The following PPP3CA variants were observed in gnomAD, a reference collection of about 807,000 sequenced individuals.
PPP3CA encodes CAM-PRP catalytic subunit.
PPP3CA carries 14 observed loss-of-function variants against 66.5 expected under a neutral mutation model. The observed-to-expected ratio is 0.21, with a 90% CI of 0.14 to 0.33. PPP3CA has a LOEUF of 0.33. PPP3CA is among the 10% of genes least tolerant of loss of function. The pLI is 1.00. For missense variants in PPP3CA, 317 were observed against 639.5 expected, an observed-to-expected ratio of 0.50 and a Z score of 5.44; for synonymous variants, 232 against 226.2, an observed-to-expected ratio of 1.03 and a Z score of -0.23.
chr4:101,286,976 T>G (rs994569894), intron 1 of PPP3CA, among the ~76,000 whole-genome samples: 4 of 152,162 alleles, frequency 2.6e-5, no homozygotes, highest in African/African-American at 9.7e-5. Flanking sequence ...TGTTAACTTT[T>G]TTTGATGAAA....
At chr4:101,114,461 A>C (rs1721779580) in intron 2 of PPP3CA, among the ~76,000 whole-genome samples, 1 of 152,100 alleles carries the variant, frequency 6.6e-6, no homozygotes, top group African/African-American at 2.4e-5. Flanking sequence ...TGAGCTGTTT[A>C]ATCTATTTGG....
chr4:101,275,129 G>A lies in PPP3CA; in HGVS notation c.58+71610C>T, dbSNP rs183389156. Among the ~76,000 whole-genome samples the A allele has an allele frequency of 2.1e-3, 318 of 152,122 alleles. 2 individuals are homozygous for A. Among genetic ancestry groups the A allele is most frequent in the Non-Finnish European group, 3.3e-3 (223 of 67,990 alleles). Reference sequence around the variant, plus strand: ...TTTCCTCATAACCCTCATACTTAACGGTATATATTCTTGCCACGAAGAACA... The same window carrying A: ...TTTCCTCATAACCCTCATACTTAACAGTATATATTCTTGCCACGAAGAACA... On this transcript the variant is annotated intron_variant, in intron 1 of 13. Coordinates refer to ENST00000394854, the MANE Select transcript of PPP3CA (RefSeq NM_000944.5).
At chr4:101,340,454 T>C (rs938243768) in intron 1 of PPP3CA, among the ~76,000 whole-genome samples, 1 of 152,030 alleles carries the variant, frequency 6.6e-6, no homozygotes, top group Admixed American at 6.6e-5. Flanking sequence ...ACTACCCGAG[T>C]GCATATTTGT....
At chr4:101,330,738 A>G (rs1245331037) in intron 1 of PPP3CA, among the ~76,000 whole-genome samples, 1 of 152,190 alleles carries the variant, frequency 6.6e-6, no homozygotes, top group African/African-American at 2.4e-5. Context: ...TAAAAAGGCA[A>G]CGTCTACAAA....
At chr4:101,044,977 G>A (rs1727694773) in intron 10 of PPP3CA, among the ~76,000 whole-genome samples, 1 of 152,224 alleles carries the variant, frequency 6.6e-6, no homozygotes, top group Admixed American at 6.5e-5. Context: ...TGGCTGAAGA[G>A]AGATTCTTAC....
chr4:101,301,006 T>C lies in PPP3CA; in HGVS notation c.58+45733A>G, dbSNP rs187720044. On this transcript the variant is annotated intron_variant, in intron 1 of 13. Coordinates refer to ENST00000394854, the MANE Select transcript of PPP3CA (RefSeq NM_000944.5). ...TCTAAAATTATCACAATCTTTAGATTTAGGAACAGGATTTTACTTTAAATC... is the reference window on the plus strand; with the variant it reads ...TCTAAAATTATCACAATCTTTAGATCTAGGAACAGGATTTTACTTTAAATC... 6.4e-3 allele frequency among the ~76,000 whole-genome samples: 977 copies of C among 152,278 alleles called. 12 individuals are homozygous for C. Among genetic ancestry groups the C allele is most frequent in the African/African-American group, 0.022 (923 of 41,560 alleles).
chr4:101,072,483 G>T (rs1281686049), intron 8 of PPP3CA, among the ~76,000 whole-genome samples: 1 of 152,106 alleles, frequency 6.6e-6, no homozygotes, highest in African/African-American at 2.4e-5. Flanking sequence ...GGAAAAATAT[G>T]CAGTTCCTTT....
intron 3 of PPP3CA, among the ~76,000 whole-genome samples, chr4:101,103,714 G>T (rs1057269129): frequency 1.3e-5 from 2 of 152,156 alleles, no homozygotes; most frequent in Admixed American, 1.3e-4. Flanking sequence ...CCAGCTCAAG[G>T]CAGTGTAGTG....
At position 101,024,022 on chromosome 4, in the gene PPP3CA, T is replaced by C. The variant is rs1436017287; in HGVS notation, c.*1843A>G. On this transcript the variant is annotated 3_prime_UTR_variant, in exon 14 of 14. Transcript: ENST00000394854. ...GGCATCCAATACAACTGAAACAACC[T>C]GATAACAAATTAATTTTATTTTTCA... is the stretch of plus-strand genomic sequence containing the variant. 2 of 152,368 alleles carry C rather than the reference T, an allele frequency of 1.3e-5. No individual in the cohort carries two copies. Among genetic ancestry groups the C allele is most frequent in the East Asian group, 3.8e-4 (2 of 5,200 alleles). The allele number at this position is 152,368 out of a possible 1,614,324, so 9.4% of individuals were successfully genotyped here. A position where few individuals can be genotyped will look rare whatever the true frequency, so the allele number is the denominator to read the frequency against.
chr4:101,312,880 C>T (rs1728771682), intron 1 of PPP3CA, among the ~76,000 whole-genome samples: 1 of 152,132 alleles, frequency 6.6e-6, no homozygotes, highest in Non-Finnish European at 1.5e-5. Context: ...GCAGGCAAAA[C>T]CAGCATCTTT....
chr4:101,078,648 G>T (rs749769598), intron 8 of PPP3CA, among the ~76,000 whole-genome samples: 2 of 151,952 alleles, frequency 1.3e-5, no homozygotes, highest in Non-Finnish European at 2.9e-5. Flanking sequence ...TATAATTCTA[G>T]GGTCCTTTAT....
chr4:101,032,811 A>C (rs930051778), intron 11 of PPP3CA, among the ~76,000 whole-genome samples: 4 of 152,228 alleles, frequency 2.6e-5, no homozygotes, highest in Non-Finnish European at 4.4e-5. Context: ...GGAGATTGAA[A>C]AAAAATCTGA....
chr4:101,241,933 A>G (rs1726323771), intron 1 of PPP3CA, among the ~76,000 whole-genome samples: 1 of 152,128 alleles, frequency 6.6e-6, no homozygotes, highest in East Asian at 1.9e-4. Context: ...AAATCAATTC[A>G]GGATTGTTGT....
At chr4:101,248,272 C>A (rs1287623534) in intron 1 of PPP3CA, among the ~76,000 whole-genome samples, 1 of 152,104 alleles carries the variant, frequency 6.6e-6, no homozygotes, top group Non-Finnish European at 1.5e-5. Context: ...AGTTTTAGAG[C>A]CAGACAGACC....
intron 2 of PPP3CA, chr4:101,171,055 C>G (rs1266584247): frequency 3.4e-5 from 12 of 352,796 alleles, no homozygotes; most frequent in Non-Finnish European, 5.0e-5. Context: ...CTTACTATCA[C>G]ATTTTTCCAA....
At chr4:101,297,397 A>G (rs1728230480) in intron 1 of PPP3CA, among the ~76,000 whole-genome samples, 1 of 152,242 alleles carries the variant, frequency 6.6e-6, no homozygotes, top group Non-Finnish European at 1.5e-5. Flanking sequence ...CTAAGAGATT[A>G]CTATATAGAC....
At chr4:101,296,067 CAAG>C (rs1025856454) in intron 1 of PPP3CA, among the ~76,000 whole-genome samples, 1 of 152,058 alleles carries the variant, frequency 6.6e-6, no homozygotes, top group African/African-American at 2.4e-5. Flanking sequence ...CAAAATGTGT[CAAG>C]AAGAGAGTCA....
chr4:101,025,888 T>A lies in PPP3CA; in HGVS notation c.1543A>T (p.Ser515Cys). 5 of 1,543,646 alleles carry A rather than the reference T, an allele frequency of 3.2e-6. No individual in the cohort carries two copies. The highest frequency in any genetic ancestry group is 4.4e-6 in the Non-Finnish European group (5 of 1,136,846). The change falls in exon 14 of 14, where the codon AGT (serine) becomes TGT (cysteine). Residue 515 changes from serine to cysteine, a missense_variant. This residue lies in a region of PPP3CA where 40 missense variants were observed against 38.6 expected (regional missense o/e 1.04). Transcript: ENST00000394854. The stretch of plus-strand genomic sequence containing the variant: ...GGTCACTGAATATTGCTGCTATTAC[T>A]GCCATTGCTGTCCGTGCCGTTAGTC... ...SETNGTDSNG[S>C]NSSNIQ
intron 3 of PPP3CA, among the ~76,000 whole-genome samples, chr4:101,107,116 C>T (rs1020803024): frequency 1.3e-5 from 2 of 152,204 alleles, no homozygotes; most frequent in African/African-American, 4.8e-5. Context: ...TCACTAATTT[C>T]TTCCTCTGTA....
Sources: allele counts gnomAD v4.1 joint callset (sites outside exome capture counted in the v4.1 genomes callset), GRCh38; gene constraint gnomAD v4.1.1; regional missense constraint gnomAD v4.1.1; transcripts MANE v1.5; gene names NCBI Gene and HGNC (gene_info 2026-07-23, HGNC 2026-07-21).